Variants in ZNF208 observed in about 807,000 individuals in gnomAD.
The protein encoded by ZNF208 is zinc finger protein 95.
In ZNF208, 10 loss-of-function variants were observed where a neutral mutation model predicts 12.1. That is an observed-to-expected ratio of 0.83 (90% CI 0.51 to 1.40). The LOEUF is 1.40. ZNF208 is among the 40% of genes most tolerant of loss of function. The pLI is 0.00. For synonymous variants in ZNF208, 497 were observed against 488.4 expected (o/e 1.02, Z -0.23); for missense variants, 1,652 against 1,485.0 (o/e 1.11, Z -1.85).
chr19:21,998,527 C>G (rs1970882419), intron 1 of ZNF208: 1 of 152,404 alleles, frequency 6.6e-6, no homozygotes, highest in African/African-American at 2.4e-5. Flanking sequence ...CCTCTGCCTC[C>G]CGGGTTCAAG....
intron 1 of ZNF208, among the ~76,000 whole-genome samples, chr19:22,000,168 A>G (rs1208087338): frequency 6.6e-6 from 1 of 152,242 alleles, no homozygotes; most frequent in East Asian, 1.9e-4. Context: ...GAAAATTAAC[A>G]ACAATATTAC....
intron 1 of ZNF208, among the ~76,000 whole-genome samples, chr19:22,001,892 C>CAAAAAAAAAAAAAAGAAAAAAAA (rs1970956866): frequency 1.3e-5 from 1 of 74,106 alleles, no homozygotes; most frequent in Non-Finnish European, 2.7e-5. Flanking sequence ...GACTCCATCC[C>CAAAAAAAAAAAAAAGAAAAAAAA]AAAAAAAAAA....
intron 2 of ZNF208, among the ~76,000 whole-genome samples, chr19:21,988,263 G>A (rs1375646263): frequency 6.6e-6 from 1 of 152,004 alleles, no homozygotes; most frequent in Non-Finnish European, 1.5e-5. Context: ...AAATCTGAAA[G>A]CATAAATTAC....
intron 1 of ZNF208, among the ~76,000 whole-genome samples, chr19:22,000,980 C>A (rs1489913266): frequency 6.6e-6 from 1 of 151,982 alleles, no homozygotes; most frequent in African/African-American, 2.4e-5. Flanking sequence ...CAAGACTGAA[C>A]ACACACACAC....
chr19:21,972,134 T>C lies in ZNF208; in HGVS notation c.2900A>G (p.His967Arg). 1 of 1,611,128 alleles carries C rather than the reference T, an allele frequency of 6.2e-7. No individual in the cohort carries two copies. Among genetic ancestry groups the C allele is most frequent in the Non-Finnish European group, 8.5e-7 (1 of 1,178,186 alleles). ...ATATTTGTAAGGTTTCTCTTCAGTA[T>C]GAATTTTCTTATGATAACTAAGGGT... Reference protein sequence around the residue: ...SSTLSYHKKIHTEEKPYKYEE... With the variant: ...SSTLSYHKKIRTEEKPYKYEE... The change falls in exon 4 of 4, where the codon CAT becomes CGT. Residue 967 changes from histidine (H) to arginine (R), a missense_variant. His to Arg is a conservative substitution (Grantham distance 29, BLOSUM62 0). Coordinates refer to ENST00000397126, the MANE Select transcript of ZNF208 (RefSeq NM_007153.3).
At position 21,971,152 on chromosome 19, in the gene ZNF208, T is replaced by G. The variant is rs1479174404; in HGVS notation, c.*39A>C. On this transcript the variant is annotated 3_prime_UTR_variant, in exon 4 of 4. Coordinates refer to ENST00000397126, the MANE Select transcript of ZNF208 (RefSeq NM_007153.3). The stretch of plus-strand genomic sequence containing the variant: ...GAATTTTCTTATGATAACTAAGGGT[T>G]GAGGGCCACTTATAGGCTTTGCCAC... The G allele has an allele frequency of 6.2e-7, 1 of 1,612,926 alleles. No homozygotes were observed. Among genetic ancestry groups the G allele is most frequent in the Non-Finnish European group, 8.5e-7 (1 of 1,179,646 alleles).
downstream of ZNF208, among the ~76,000 whole-genome samples, chr19:21,965,011 A>G (rs372118387): frequency 2.6e-5 from 4 of 151,980 alleles, no homozygotes; most frequent in East Asian, 7.7e-4. Context: ...TCTAGACATA[A>G]TGCTAATCTT....
rs1400624156 is a variant in ZNF208, at chr19:21,969,485, T to C, written c.*1706A>G. On this transcript the variant is annotated 3_prime_UTR_variant, in exon 4 of 4. Coordinates refer to ENST00000397126, the MANE Select transcript of ZNF208 (RefSeq NM_007153.3). ...TATTTCTACTGTGAATTAGCTGATATTTACATAAACTTAATTTTGGATTAA... is the reference window on the plus strand; with the variant it reads ...TATTTCTACTGTGAATTAGCTGATACTTACATAAACTTAATTTTGGATTAA... Among the ~76,000 whole-genome samples, 1 of 152,224 alleles carries C rather than the reference T, an allele frequency of 6.6e-6. No individual in the cohort carries two copies. The highest frequency in any genetic ancestry group is 1.9e-4 in the East Asian group (1 of 5,194).
At chr19:21,963,870 G>T (rs1023954780), downstream of ZNF208, among the ~76,000 whole-genome samples, 3 of 151,814 alleles carry the variant, frequency 2.0e-5, no homozygotes, top group Admixed American at 6.6e-5. Context: ...GAAAAGATAG[G>T]GAGCTGACAA....
chr19:21,975,165 G>A (rs1163082535), intron 3 of ZNF208, among the ~76,000 whole-genome samples: 1 of 151,902 alleles, frequency 6.6e-6, no homozygotes, highest in Non-Finnish European at 1.5e-5. Context: ...TTTTTGTTTT[G>A]TTTTGTTTTG....
intron 3 of ZNF208, chr19:21,986,727 A>T: frequency 3.7e-6 from 1 of 266,738 alleles, no homozygotes; most frequent in East Asian, 6.2e-5. Context: ...GAAGGACATC[A>T]TACTTTATAA....
At chr19:21,991,789 CAT>C (rs1049560866) in intron 1 of ZNF208, 3 of 145,092 alleles carry the variant, frequency 2.1e-5, no homozygotes, top group Non-Finnish European at 3.0e-5. Flanking sequence ...AATGGAAAGA[CAT>C]AGTTTTGTGT....
downstream of ZNF208, among the ~76,000 whole-genome samples, chr19:21,962,199 C>T (rs758245176): frequency 2.0e-5 from 3 of 152,104 alleles, no homozygotes; most frequent in Non-Finnish European, 4.4e-5. Context: ...CCGGTCCCTC[C>T]ATTTGGGGTC....
Position 21,942,734 on chromosome 19 carries a change from C to T in ZNF208, c.306-9497G>A, listed in dbSNP as rs534421698. Among the ~76,000 whole-genome samples the T allele has an allele frequency of 3.9e-4, 60 of 152,174 alleles. No individual in the cohort carries two copies. In the South Asian group the frequency reaches 6.6e-3, roughly 17 times the overall value. On this transcript the variant is annotated intron_variant, in intron 4 of 4. Coordinates refer to the ZNF208 transcript ENST00000599916. ...TGCAATCTTGGTTCACTGCAACCTC[C>T]GCCTCCTGGGTTCACACAATTCTCC...
chr19:21,949,491 T>C (rs1171122023), intron 4 of ZNF208, among the ~76,000 whole-genome samples: 2 of 152,152 alleles, frequency 1.3e-5, no homozygotes, highest in African/African-American at 2.4e-5. Flanking sequence ...TTTTGCAAAC[T>C]CTGGGTACCT....
At chr19:21,961,783 GA>G (rs34300520), downstream of ZNF208, among the ~76,000 whole-genome samples, 21,727 of 152,064 alleles carry the variant, frequency 0.14, 1,692 homozygotes, top group Admixed American at 0.22. Flanking sequence ...CTCTCCTCAA[GA>G]AGAAAAATAT....
At position 21,970,608 on chromosome 19, in the gene ZNF208, G is replaced by A. The variant is rs1021886581; in HGVS notation, c.*583C>T. The stretch of plus-strand genomic sequence containing the variant: ...CTTTATCACATTCTTCACATTTGTA[G>A]GGCTTCTCACCAGTATGAATTCTCT... On this transcript the variant is annotated 3_prime_UTR_variant, in exon 4 of 4. Transcript: ENST00000397126. 1.1e-6 allele frequency: 1 copy of A among 908,886 alleles called. No individual in the cohort carries two copies. The highest frequency in any genetic ancestry group is 1.7e-6 in the Non-Finnish European group (1 of 572,896). The allele number at this position is 908,886 out of a possible 1,614,324, so 56.3% of individuals were successfully genotyped here.
chr19:22,007,558 A>G (rs1157263233), intron 1 of ZNF208, among the ~76,000 whole-genome samples: 2 of 150,192 alleles, frequency 1.3e-5, no homozygotes, highest in African/African-American at 4.9e-5. Flanking sequence ...TCCTAAATTC[A>G]CTCTGAGAAA....
intron 1 of ZNF208, among the ~76,000 whole-genome samples, chr19:21,996,802 T>C (rs1325309721): frequency 1.3e-5 from 2 of 152,180 alleles, no homozygotes; most frequent in Non-Finnish European, 2.9e-5. Context: ...ACACAAGTCA[T>C]TGAAAGAGGT....
Sources: allele counts gnomAD v4.1 joint callset (sites outside exome capture counted in the v4.1 genomes callset), GRCh38; gene constraint gnomAD v4.1.1; transcripts MANE v1.5; gene names NCBI Gene and HGNC (gene_info 2026-07-23, HGNC 2026-07-21).